The following FSTL4 variants were observed in gnomAD, a reference collection of about 807,000 sequenced individuals.
FSTL4 encodes the protein follistatin like 4.
Under a neutral mutation model 78.2 loss-of-function variants are expected in FSTL4, and 28 were observed. The ratio of observed to expected loss-of-function variants is 0.36; its 90% confidence interval spans 0.27 to 0.49. The LOEUF (loss-of-function observed/expected upper bound fraction) is 0.49, where lower values mean the gene tolerates loss of function less well. FSTL4 is among the 20% of genes least tolerant of loss of function. FSTL4 has a pLI of 0.98. For missense variants in FSTL4, 922 were observed against 1,084.9 expected (o/e 0.85, Z 2.11); for synonymous variants, 422 against 440.5 (o/e 0.96, Z 0.53).
At chr5:133,389,158 T>C (rs1755778782) in intron 4 of FSTL4, among the ~76,000 whole-genome samples, 2 of 152,212 alleles carry the variant, frequency 1.3e-5, no homozygotes, top group South Asian at 4.1e-4. Flanking sequence ...CTTGTAATAA[T>C]TTTTCCCCAA....
rs186234323 is a variant in FSTL4, at chr5:133,438,929, A to G, written c.161-37943T>C. 2.4e-3 allele frequency among the ~76,000 whole-genome samples: 366 copies of G among 152,336 alleles called. 3 individuals carry two copies. The highest frequency in any genetic ancestry group is 7.6e-3 in the African/African-American group (318 of 41,576). On this transcript the variant is annotated intron_variant, in intron 3 of 15. Transcript: ENST00000265342. ...GCTGGGATGAGCGCGGATGCTCAAG[A>G]TCTTCTGGAACCTCACGCGCCTTTG...
intron 4 of FSTL4, among the ~76,000 whole-genome samples, chr5:133,384,417 T>A (rs917448588): frequency 2.6e-5 from 4 of 152,208 alleles, no homozygotes; most frequent in African/African-American, 9.6e-5. Context: ...TTGGCTCTTG[T>A]CAGTTGAAGG....
the FSTL4 span, among the ~76,000 whole-genome samples, chr5:133,680,302 G>T: frequency 2.0e-5 from 3 of 152,138 alleles, no homozygotes; most frequent in African/African-American, 7.2e-5. Context: ...ACCATCCTCC[G>T]CACTCTATAG....
intron 13 of FSTL4, among the ~76,000 whole-genome samples, chr5:133,214,433 A>C (rs1750843047): frequency 6.6e-6 from 1 of 152,162 alleles, no homozygotes; most frequent in Non-Finnish European, 1.5e-5. Flanking sequence ...TCATATAACA[A>C]GCCTTTACTG....
chr5:133,658,631 T>C, the FSTL4 span, among the ~76,000 whole-genome samples: 4 of 152,154 alleles, frequency 2.6e-5, no homozygotes, highest in Non-Finnish European at 5.9e-5. Context: ...CATTTATTAA[T>C]TTCTGCCTAT....
chr5:133,371,908 G>A (rs887444616), intron 4 of FSTL4, among the ~76,000 whole-genome samples: 2 of 152,176 alleles, frequency 1.3e-5, no homozygotes, highest in African/African-American at 2.4e-5. Context: ...TCCCAGGGAC[G>A]GGAAGCCCAC....
At chr5:133,716,284 C>A in the FSTL4 span, among the ~76,000 whole-genome samples, 6 of 152,134 alleles carry the variant, frequency 3.9e-5, no homozygotes, top group Non-Finnish European at 7.4e-5. Context: ...CTGATGTAGA[C>A]CATCAGGAAG....
intron 2 of FSTL4, among the ~76,000 whole-genome samples, chr5:133,600,426 G>A (rs1037164193): frequency 6.6e-6 from 1 of 151,370 alleles, no homozygotes; most frequent in Non-Finnish European, 1.5e-5. Context: ...GATAAAGGGG[G>A]GGGGGATATA....
intron 3 of FSTL4, among the ~76,000 whole-genome samples, chr5:133,554,268 G>T (rs1464772727): frequency 6.6e-6 from 1 of 152,200 alleles, no homozygotes; most frequent in Non-Finnish European, 1.5e-5. Flanking sequence ...GGGGAGATGG[G>T]GGGGAGGTGC....
At chr5:133,427,104 A>G (rs971820009) in intron 3 of FSTL4, among the ~76,000 whole-genome samples, 1 of 152,096 alleles carries the variant, frequency 6.6e-6, no homozygotes, top group Non-Finnish European at 1.5e-5. Context: ...CAGGCTCTGG[A>G]GTCAGGCAGC....
chr5:133,786,281 G>T, the FSTL4 span, among the ~76,000 whole-genome samples: 1 of 152,160 alleles, frequency 6.6e-6, no homozygotes, highest in Non-Finnish European at 1.5e-5. Context: ...TGGAATGAGG[G>T]ATGTTTTCTA....
chr5:133,788,267 T>C, the FSTL4 span, among the ~76,000 whole-genome samples: 1 of 152,226 alleles, frequency 6.6e-6, no homozygotes, highest in Non-Finnish European at 1.5e-5. Context: ...TGGCTTGTTC[T>C]AGGACTTGGA....
At chr5:133,477,002 C>T (rs574959572) in intron 3 of FSTL4, among the ~76,000 whole-genome samples, 9 of 152,214 alleles carry the variant, frequency 5.9e-5, no homozygotes, top group Non-Finnish European at 7.3e-5. Context: ...GCACACAGTA[C>T]GTCCTCAGTA....
intron 3 of FSTL4, among the ~76,000 whole-genome samples, chr5:133,449,043 G>C (rs954544582): frequency 6.6e-6 from 1 of 152,232 alleles, no homozygotes; most frequent in East Asian, 1.9e-4. Flanking sequence ...TATATAGACA[G>C]GGGTTGAAAG....
At chr5:133,464,708 A>G (rs970608611) in intron 3 of FSTL4, among the ~76,000 whole-genome samples, 6 of 152,224 alleles carry the variant, frequency 3.9e-5, no homozygotes, top group Non-Finnish European at 7.4e-5. Context: ...CTGGACCTGG[A>G]GGCCACACAG....
At chr5:133,406,574 G>A (rs1486013721) in intron 3 of FSTL4, among the ~76,000 whole-genome samples, 1 of 152,176 alleles carries the variant, frequency 6.6e-6, no homozygotes, top group African/African-American at 2.4e-5. Context: ...CTGGATGCCG[G>A]GGCTGCGTCA....
At chr5:133,610,868 C>T (rs372920165) in intron 1 of FSTL4, among the ~76,000 whole-genome samples, 7 of 152,310 alleles carry the variant, frequency 4.6e-5, no homozygotes, top group African/African-American at 1.4e-4. Flanking sequence ...TTTCCCCTCA[C>T]AGATTGTGAC....
the FSTL4 span, among the ~76,000 whole-genome samples, chr5:133,657,889 C>T: frequency 4.9e-4 from 74 of 150,900 alleles, no homozygotes; most frequent in African/African-American, 1.8e-3. Flanking sequence ...ATAAATAATG[C>T]TACAAGAAAT....
At chr5:133,726,556 G>C in the FSTL4 span, among the ~76,000 whole-genome samples, 3 of 152,202 alleles carry the variant, frequency 2.0e-5, no homozygotes, top group African/African-American at 7.2e-5. Context: ...AGCGAGCCAG[G>C]AGAAGGCACA....
Sources: gnomAD v4.1 joint callset for allele counts (sites outside exome capture counted in the v4.1 genomes callset) on GRCh38, gnomAD v4.1.1 for gene constraint, MANE v1.5 for transcripts, NCBI Gene and HGNC (gene_info 2026-07-23, HGNC 2026-07-21) for gene names.